SLC22A25: variants seen among roughly 807,000 people sequenced by gnomAD.
SLC22A25 encodes MGI:2442751, MGI:2385316, MGI:3042283, MGI:3645714, MGI:3605624, MGI:2442750.
SLC22A25 carries 44 observed loss-of-function variants against 45.9 expected under a neutral mutation model. That is an observed-to-expected ratio of 0.96 (90% CI 0.75 to 1.23). The LOEUF is 1.23. Ranked by LOEUF, SLC22A25 falls within the 50% of genes most tolerant of loss-of-function variation. The pLI, the probability that SLC22A25 is intolerant of heterozygous loss-of-function variation, is 0.00. For synonymous variants in SLC22A25, 283 were observed against 238.6 expected (o/e 1.19, Z -1.72); for missense variants, 800 against 666.4 (o/e 1.20, Z -2.21).
rs1450785076 is a variant in SLC22A25, at chr11:63,160,514, G to A, written c.*3310C>T. Among the ~76,000 whole-genome samples, 1 of 152,200 alleles carries A rather than the reference G, an allele frequency of 6.6e-6. No homozygotes were observed. The highest frequency in any genetic ancestry group is 1.5e-5 in the Non-Finnish European group (1 of 68,022). ...CTGGATGCCCAGGTAGAAGTTTGCTGCAGGGGTGGGGTCCTCATGGAGAAC... is the reference window on the plus strand; with the variant it reads ...CTGGATGCCCAGGTAGAAGTTTGCTACAGGGGTGGGGTCCTCATGGAGAAC... On this transcript the variant is annotated 3_prime_UTR_variant, in exon 12 of 12. Transcript: ENST00000306494.
At chr11:63,222,679 G>A (rs2089878401) in intron 5 of SLC22A25, among the ~76,000 whole-genome samples, 1 of 152,006 alleles carries the variant, frequency 6.6e-6, no homozygotes, top group South Asian at 2.1e-4. Context: ...GGGTGAATGT[G>A]GGCATCCTTG....
chr11:63,198,120 T>C (rs1281779962), intron 7 of SLC22A25, among the ~76,000 whole-genome samples: 1 of 152,218 alleles, frequency 6.6e-6, no homozygotes, highest in African/African-American at 2.4e-5. Context: ...TTTTACACTG[T>C]TGGTGAGACT....
At chr11:63,184,774 G>A (rs2088459913) in intron 7 of SLC22A25, among the ~76,000 whole-genome samples, 1 of 152,038 alleles carries the variant, frequency 6.6e-6, no homozygotes, top group Non-Finnish European at 1.5e-5. Context: ...TTCCTCTATT[G>A]GAGAAAACAT....
rs370064448 is a variant in SLC22A25, at chr11:63,229,674, C to T, written c.-22G>A. On this transcript the variant is annotated 5_prime_UTR_variant, in exon 4 of 12. Coordinates refer to ENST00000306494, the MANE Select transcript of SLC22A25 (RefSeq NM_199352.6). ...CCATTGAGGCTGGACAAGTGATCCC[C>T]AAGAGGAGACAAAATGACTGTATCC... 3.8e-5 allele frequency: 60 copies of T among 1,585,870 alleles called. No homozygotes were observed. The highest frequency in any genetic ancestry group is 6.7e-5 in the African/African-American group (5 of 74,116).
intron 9 of SLC22A25, among the ~76,000 whole-genome samples, chr11:63,171,336 G>A (rs1414978866): frequency 6.6e-6 from 1 of 152,094 alleles, no homozygotes; most frequent in African/African-American, 2.4e-5. Context: ...AGAAGGAAAT[G>A]AAGGGTATTC....
chr11:63,217,824 G>A (rs1471311778), intron 5 of SLC22A25, 89 bp from the exon 6 acceptor site: 1 of 1,449,816 alleles, frequency 6.9e-7, no homozygotes. Context: ...AAACTTAAAG[G>A]ATGTTTAACA....
chr11:63,167,276 T>A (rs960446385), intron 9 of SLC22A25: 3 of 153,228 alleles, frequency 2.0e-5, no homozygotes, highest in South Asian at 4.1e-4. Flanking sequence ...AGGAGTTTTT[T>A]TTTTTTCCCC....
chr11:63,184,054 T>C (rs2088429715), intron 7 of SLC22A25, among the ~76,000 whole-genome samples: 1 of 152,128 alleles, frequency 6.6e-6, no homozygotes, highest in African/African-American at 2.4e-5. Context: ...ATCCCTCTTA[T>C]TCAGCAAATT....
chr11:63,195,623 A>G (rs1168660662), intron 7 of SLC22A25, among the ~76,000 whole-genome samples: 11 of 152,218 alleles, frequency 7.2e-5, no homozygotes, highest in Non-Finnish European at 1.0e-4. Context: ...AGGGAAATTT[A>G]TAGCACTAAA....
chr11:63,231,692 C>T (rs1383914909), intron 3 of SLC22A25, among the ~76,000 whole-genome samples: 2 of 151,480 alleles, frequency 1.3e-5, no homozygotes, highest in South Asian at 2.1e-4. Context: ...TTGTTTTAGA[C>T]ATGAAGTCCT....
rs923882113 is a variant in SLC22A25 at position 63,161,372 on chromosome 11, A to T, written c.*2452T>A. ...TTTGGGGGACTGTTGGGAAGGCATG[A>T]TTAGTTTTGAAATGTGAGGACATGA... On this transcript the variant is annotated 3_prime_UTR_variant, in exon 12 of 12. Transcript: ENST00000306494. Among the ~76,000 whole-genome samples the T allele has an allele frequency of 2.0e-5, 3 of 152,116 alleles. No individual in the cohort carries two copies. Among genetic ancestry groups the T allele is most frequent in the Non-Finnish European group, 2.9e-5 (2 of 68,022 alleles).
At chr11:63,240,098 A>T (rs2090223944) in intron 1 of SLC22A25, among the ~76,000 whole-genome samples, 1 of 152,212 alleles carries the variant, frequency 6.6e-6, no homozygotes, top group African/African-American at 2.4e-5. Context: ...AAACCTGTAC[A>T]GTATGTTACT....
At chr11:63,239,643 G>A (rs2090216364) in intron 1 of SLC22A25, among the ~76,000 whole-genome samples, 1 of 152,168 alleles carries the variant, frequency 6.6e-6, no homozygotes, top group Non-Finnish European at 1.5e-5. Flanking sequence ...TTTAAACATG[G>A]TACAGTCCTT....
At chr11:63,242,647 T>A (rs544434287) in intron 1 of SLC22A25, among the ~76,000 whole-genome samples, 16 of 152,162 alleles carry the variant, frequency 1.1e-4, no homozygotes, top group Non-Finnish European at 1.8e-4. Flanking sequence ...CAAATGTTAA[T>A]CTCCTTTGGC....
At chr11:63,190,449 AT>A (rs554899173) in intron 7 of SLC22A25, among the ~76,000 whole-genome samples, 12 of 150,884 alleles carry the variant, frequency 8.0e-5, no homozygotes, top group East Asian at 1.9e-4. Context: ...CATTCGTCTA[AT>A]TTTTTTTTCA....
intron 7 of SLC22A25, among the ~76,000 whole-genome samples, chr11:63,200,303 C>T (rs569411327): frequency 6.7e-6 from 1 of 149,108 alleles, no homozygotes; most frequent in African/African-American, 2.5e-5. Flanking sequence ...AAAGCTTATC[C>T]AGCATGATCT....
At chr11:63,186,314 C>A (rs28833177) in intron 7 of SLC22A25, among the ~76,000 whole-genome samples, 13,865 of 147,438 alleles carry the variant, frequency 0.094, 949 homozygotes, top group Middle Eastern at 0.17. Flanking sequence ...GCATTTTTTC[C>A]TGTGTCTTTT....
intron 7 of SLC22A25, among the ~76,000 whole-genome samples, chr11:63,215,594 G>T (rs1309668028): frequency 6.6e-6 from 1 of 151,862 alleles, no homozygotes; most frequent in Non-Finnish European, 1.5e-5. Context: ...AATAAAAGTG[G>T]GCATAGGACA....
intron 5 of SLC22A25, among the ~76,000 whole-genome samples, chr11:63,226,781 C>T (rs959347461): frequency 6.6e-6 from 1 of 152,224 alleles, no homozygotes; most frequent in Non-Finnish European, 1.5e-5. Flanking sequence ...GTACAGGAGC[C>T]TGGGCTTGGA....
Sources: allele counts gnomAD v4.1 joint callset (sites outside exome capture counted in the v4.1 genomes callset), GRCh38; gene constraint gnomAD v4.1.1; transcripts MANE v1.5; gene names NCBI Gene and HGNC (gene_info 2026-07-23, HGNC 2026-07-21).